Variants in B3GALT5 observed in about 807,000 individuals in gnomAD.
B3GALT5 encodes the protein UDP-Gal:betaGlcNAc beta 1,3-galactosyltransferase, polypeptide 5.
For missense variants in B3GALT5, 328 were observed against 396.6 expected, an observed-to-expected ratio of 0.83 and a Z score of 1.47; for synonymous variants, 156 against 158.6, an observed-to-expected ratio of 0.98 and a Z score of 0.12.
intron 1 of B3GALT5, among the ~76,000 whole-genome samples, chr21:39,618,612 C>A (rs1040403851): frequency 6.6e-6 from 1 of 152,106 alleles, no homozygotes; most frequent in Non-Finnish European, 1.5e-5. Context: ...ATGGCCTGTT[C>A]ATGTATTTTG....
chr21:39,620,267 A>G (rs1399816796), intron 1 of B3GALT5, among the ~76,000 whole-genome samples: 1 of 152,212 alleles, frequency 6.6e-6, no homozygotes, highest in East Asian at 1.9e-4. Flanking sequence ...ATAGTTCCTC[A>G]GTCTTCTCTT....
At chr21:39,648,012 A>G (rs1375790898) in intron 2 of B3GALT5, among the ~76,000 whole-genome samples, 2 of 152,068 alleles carry the variant, frequency 1.3e-5, no homozygotes, top group Non-Finnish European at 2.9e-5. Flanking sequence ...CTATGGTATT[A>G]ATTTGTTTAG....
At chr21:39,620,841 C>A (rs952464069) in intron 1 of B3GALT5, among the ~76,000 whole-genome samples, 1 of 152,120 alleles carries the variant, frequency 6.6e-6, no homozygotes, top group Non-Finnish European at 1.5e-5. Context: ...CATAACCTAG[C>A]CTATGTGGTC....
rs2079623521 is a variant in B3GALT5, at chr21:39,671,066, G to C, written c.*9574G>C. On this transcript the variant is annotated 3_prime_UTR_variant, in exon 4 of 4. Coordinates refer to ENST00000684187, the MANE Select transcript of B3GALT5 (RefSeq NM_001356336.2). ...TCATGCTGTGTCATTGTGGGCAAAAGAGCAAAACTTGCTTTGATAAAATCA... is the reference window on the plus strand; with the variant it reads ...TCATGCTGTGTCATTGTGGGCAAAACAGCAAAACTTGCTTTGATAAAATCA... The C allele has an allele frequency of 6.6e-6, 1 of 152,250 alleles. No homozygotes were observed. The highest frequency in any genetic ancestry group is 6.5e-5 in the Admixed American group (1 of 15,290). The allele number at this position is 152,250 out of a possible 1,614,324, so 9.4% of individuals were successfully genotyped here.
intron 1 of B3GALT5, among the ~76,000 whole-genome samples, chr21:39,635,571 T>C (rs651244): frequency 0.51 from 77,269 of 151,956 alleles, 19,899 homozygotes; most frequent in South Asian, 0.6. Context: ...CTCTGCCTCC[T>C]GGGTTCAAGC....
In B3GALT5 at chr21:39,666,047, C is replaced by T. The variant is rs2079575032; in HGVS notation, c.*4555C>T. 6.6e-6 allele frequency: 1 copy of T among 151,794 alleles called. No individual in the cohort carries two copies. The highest frequency in any genetic ancestry group is 1.5e-5 in the Non-Finnish European group (1 of 67,954). The allele number at this position is 151,794 out of a possible 1,614,324, so 9.4% of individuals were successfully genotyped here. ...TTAGAAGGGAATGGGTGAACCAGGACTGAAAAAAAAGAAATATTTTTCAAA... is the reference window on the plus strand; with the variant it reads ...TTAGAAGGGAATGGGTGAACCAGGATTGAAAAAAAAGAAATATTTTTCAAA... On this transcript the variant is annotated 3_prime_UTR_variant, in exon 4 of 4. Coordinates refer to ENST00000684187, the MANE Select transcript of B3GALT5 (RefSeq NM_001356336.2).
At chr21:39,652,143 C>G (rs894230811) in intron 2 of B3GALT5, among the ~76,000 whole-genome samples, 3 of 152,178 alleles carry the variant, frequency 2.0e-5, no homozygotes, top group African/African-American at 7.2e-5. Context: ...GGTGCCCCCC[C>G]AAGCTGGGTT....
chr21:39,623,594 A>G (rs1228657948), intron 1 of B3GALT5, among the ~76,000 whole-genome samples: 1 of 152,112 alleles, frequency 6.6e-6, no homozygotes, highest in Non-Finnish European at 1.5e-5. Flanking sequence ...TGGGTATAAA[A>G]TTTTAGATGG....
intron 2 of B3GALT5, among the ~76,000 whole-genome samples, chr21:39,651,474 T>G (rs2079394866): frequency 6.6e-6 from 1 of 152,232 alleles, no homozygotes; most frequent in Non-Finnish European, 1.5e-5. Context: ...CACACTGTGT[T>G]TTCTCTGTTT....
intron 1 of B3GALT5, among the ~76,000 whole-genome samples, chr21:39,624,221 G>A (rs896532005): frequency 1.3e-5 from 2 of 152,086 alleles, no homozygotes; most frequent in African/African-American, 4.8e-5. Flanking sequence ...TTCTGCATTC[G>A]CTCCCCCCAT....
chr21:39,660,516 C>A (rs1435366656), intron 3 of B3GALT5, 44 bp from the exon 4 acceptor site: 3 of 1,379,750 alleles, frequency 2.2e-6, no homozygotes, highest in Non-Finnish European at 2.8e-6. Flanking sequence ...CTAGACACAT[C>A]CTCATGCTTT....
In B3GALT5 at chr21:39,662,651, T is replaced by G. The variant is rs541510311; in HGVS notation, c.*1159T>G. ...TGTGGTTTGCTGTTTAGCCTTCAGT[T>G]TGCTCCGCTGCCTCCTACCCAGAGG... On this transcript the variant is annotated 3_prime_UTR_variant, in exon 4 of 4. Coordinates refer to ENST00000684187, the MANE Select transcript of B3GALT5 (RefSeq NM_001356336.2). 1.8e-5 allele frequency: 3 copies of G among 167,660 alleles called. No individual in the cohort carries two copies. Among genetic ancestry groups the G allele is most frequent in the African/African-American group, 7.2e-5 (3 of 41,592 alleles). The allele number at this position is 167,660 out of a possible 1,614,324, so 10.4% of individuals were successfully genotyped here.
chr21:39,646,777 A>G (rs1015299012), intron 2 of B3GALT5, among the ~76,000 whole-genome samples, 155 bp downstream of exon 2: 7 of 152,188 alleles, frequency 4.6e-5, no homozygotes, highest in Non-Finnish European at 7.4e-5. Flanking sequence ...GAAAGAGGAA[A>G]GCAAAACTGG....
intron 1 of B3GALT5, among the ~76,000 whole-genome samples, chr21:39,618,657 A>G (rs995916770): frequency 2.6e-5 from 4 of 152,090 alleles, no homozygotes; most frequent in Admixed American, 6.5e-5. Flanking sequence ...TTTCTTATAG[A>G]TCTATAGAAG....
chr21:39,628,942 A>G (rs2079177862), intron 1 of B3GALT5, among the ~76,000 whole-genome samples: 1 of 152,202 alleles, frequency 6.6e-6, no homozygotes, highest in Non-Finnish European at 1.5e-5. Flanking sequence ...TCTTGTAACT[A>G]AAAAGTGGTT....
intron 1 of B3GALT5, among the ~76,000 whole-genome samples, chr21:39,635,232 G>C (rs2079218754): frequency 1.3e-5 from 2 of 152,156 alleles, no homozygotes; most frequent in Non-Finnish European, 2.9e-5. Flanking sequence ...GTGTTGGGAG[G>C]TAGCTGTGTG....
intron 2 of B3GALT5, among the ~76,000 whole-genome samples, chr21:39,656,767 T>C (rs937404439): frequency 1.3e-5 from 2 of 152,238 alleles, no homozygotes; most frequent in African/African-American, 4.8e-5. Flanking sequence ...CCCAGGACGC[T>C]GCACGTGCCT....
intron 2 of B3GALT5, among the ~76,000 whole-genome samples, chr21:39,651,988 G>C (rs561015081): frequency 6.6e-6 from 1 of 152,188 alleles, no homozygotes; most frequent in Non-Finnish European, 1.5e-5. Context: ...AAGGACCCAT[G>C]ATGTAAGGAT....
chr21:39,646,332 AG>A (rs1301319884), intron 1 of B3GALT5, 59 bp from the exon 2 acceptor site: 3 of 152,216 alleles, frequency 2.0e-5, no homozygotes, highest in Non-Finnish European at 4.4e-5. Flanking sequence ...GAATAATTGA[AG>A]TCTTTTGCAG....
Sources: gnomAD v4.1 joint callset for allele counts (sites outside exome capture counted in the v4.1 genomes callset) on GRCh38, gnomAD v4.1.1 for gene constraint, MANE v1.5 for transcripts, NCBI Gene and HGNC (gene_info 2026-07-23, HGNC 2026-07-21) for gene names.